The following FBXO8 variants were observed in gnomAD, a reference collection of about 807,000 sequenced individuals.
FBXO8 encodes F-box only protein 8.
FBXO8 carries 15 observed loss-of-function variants against 33.4 expected under a neutral mutation model. The observed-to-expected ratio is 0.45, with a 90% CI of 0.30 to 0.69. The LOEUF is 0.69. Among genes scored for constraint, FBXO8 ranks in the 30% least tolerant of loss-of-function variants. FBXO8 has a pLI of 0.08. For synonymous variants in FBXO8, 132 were observed against 131.5 expected, an observed-to-expected ratio of 1.00 and a Z score of -0.02; for missense variants, 274 against 380.3, an observed-to-expected ratio of 0.72 and a Z score of 2.32.
At position 174,262,278 on chromosome 4, in the gene FBXO8, GAAGA is replaced by G. The variant is rs1378853307; in HGVS notation, c.329+482_329+485del. On this transcript the variant is annotated intron_variant, in intron 2 of 5. Coordinates refer to ENST00000393674, the MANE Select transcript of FBXO8 (RefSeq NM_012180.3). The surrounding 1 kb of genome is among the most constrained non-coding windows in gnomAD (Gnocchi z 4.6). ...AAATTTTATTCTAACAAGCACCTTT[GAAGA>G]AATATAGAATTGAGTAAAAATGTAA... Among the ~76,000 whole-genome samples the G allele has an allele frequency of 2.0e-5, 3 of 152,058 alleles. No individual in the cohort carries two copies. Among genetic ancestry groups the G allele is most frequent in the African/African-American group, 7.2e-5 (3 of 41,404 alleles).
rs1420483572 is a variant in FBXO8 at position 174,262,725 on chromosome 4, T to C, written c.329+39A>G. On this transcript the variant is annotated intron_variant, in intron 2 of 5. Transcript: ENST00000393674. This position sits in a 1 kb window ranked among gnomAD's most constrained non-coding sequence, Gnocchi z 4.6. Reference sequence around the variant, plus strand: ...AAGAACATTGAAGCATGATTATGTTTAGAGATACCTGAATTCAACTTTGGT... The same window carrying C: ...AAGAACATTGAAGCATGATTATGTTCAGAGATACCTGAATTCAACTTTGGT... The C allele has an allele frequency of 1.9e-6, 3 of 1,542,094 alleles. No homozygotes were observed. Among genetic ancestry groups the C allele is most frequent in the Admixed American group, 3.4e-5 (2 of 58,764 alleles).
chr4:174,242,918 T>C (rs989769684), intron 3 of FBXO8, among the ~76,000 whole-genome samples: 1 of 151,590 alleles, frequency 6.6e-6, no homozygotes, highest in Admixed American at 6.6e-5. Flanking sequence ...TTAAAAACAA[T>C]GTCAATTAAG....
rs1265317321 is a variant in FBXO8 at position 174,257,849 on chromosome 4, G to A, written c.456+1850C>T. Among the ~76,000 whole-genome samples, 13 of 151,634 alleles carry A rather than the reference G, an allele frequency of 8.6e-5. No homozygotes were observed. The highest frequency in any genetic ancestry group is 2.7e-4 in the African/African-American group (11 of 41,238). On this transcript the variant is annotated intron_variant, in intron 3 of 5. Coordinates refer to ENST00000393674, the MANE Select transcript of FBXO8 (RefSeq NM_012180.3). This position sits in a 1 kb window ranked among gnomAD's most constrained non-coding sequence, Gnocchi z 4.3. ...AAGTGGTCCTCCTACCTCAGCCTCC[G>A]GAGTAGCTGGGACCACAAGAATGCA...
intron 3 of FBXO8, among the ~76,000 whole-genome samples, chr4:174,244,897 A>T (rs1321820620): frequency 3.3e-5 from 5 of 151,776 alleles, no homozygotes; most frequent in Non-Finnish European, 5.9e-5. Context: ...TGATTTTTTT[A>T]AAAAAGTATC....
At chr4:174,266,131 G>A (rs889782694) in intron 1 of FBXO8, among the ~76,000 whole-genome samples, 2 of 152,106 alleles carry the variant, frequency 1.3e-5, no homozygotes, top group Non-Finnish European at 2.9e-5. Context: ...GAATCAGGGT[G>A]ATTTCCCTAG....
intron 1 of FBXO8, among the ~76,000 whole-genome samples, chr4:174,271,113 GA>G (rs937578041): frequency 1.3e-5 from 2 of 151,122 alleles, no homozygotes; most frequent in Non-Finnish European, 3.0e-5. Context: ...AAATGACAGA[GA>G]AAAAAAAGGT....
intron 4 of FBXO8, among the ~76,000 whole-genome samples, chr4:174,240,087 T>C (rs1735993256): frequency 6.8e-6 from 1 of 146,294 alleles, no homozygotes; most frequent in Admixed American, 7.0e-5. Flanking sequence ...GGCAGAGTTT[T>C]AAGTAGCTGT....
At chr4:174,239,569 C>T (rs1232014494) in intron 4 of FBXO8, among the ~76,000 whole-genome samples, 1 of 151,824 alleles carries the variant, frequency 6.6e-6, no homozygotes, top group Non-Finnish European at 1.5e-5. Flanking sequence ...TGACAGTCTC[C>T]ACCTATACCA....
Position 174,254,137 on chromosome 4 carries a change from T to C in FBXO8, c.456+5562A>G, listed in dbSNP as rs574753073. Among the ~76,000 whole-genome samples the C allele has an allele frequency of 2.5e-4, 38 of 152,342 alleles. No homozygotes were observed. The Middle Eastern group carries it at 0.017, about 68-fold the overall frequency. ...GAAGCCAGTCATAAAATGTGGAACA[T>C]GCTGAGTCGAGCAGCATAATGAAGG... is the stretch of plus-strand genomic sequence containing the variant. On this transcript the variant is annotated intron_variant, in intron 3 of 5. Transcript: ENST00000393674. This position sits in a 1 kb window ranked among gnomAD's most constrained non-coding sequence, Gnocchi z 4.2.
intron 1 of FBXO8, among the ~76,000 whole-genome samples, chr4:174,282,622 T>G (rs1216691903): frequency 3.3e-5 from 5 of 152,038 alleles, no homozygotes; most frequent in Non-Finnish European, 7.4e-5. Flanking sequence ...CTTCAAACAT[T>G]AAAAGAAGGA....
rs923467196 is a variant in FBXO8, at chr4:174,262,364, G to A, written c.329+400C>T. The stretch of plus-strand genomic sequence containing the variant: ...CATTTGAGGACTATTCATTGATTTC[G>A]AAGTCTGCCTATTATTCAGATGGCA... On this transcript the variant is annotated intron_variant, in intron 2 of 5. Coordinates refer to ENST00000393674, the MANE Select transcript of FBXO8 (RefSeq NM_012180.3). The surrounding 1 kb of genome is among the most constrained non-coding windows in gnomAD (Gnocchi z 4.6). Among the ~76,000 whole-genome samples, 5 of 152,122 alleles carry A rather than the reference G, an allele frequency of 3.3e-5. No homozygotes were observed. Among genetic ancestry groups the A allele is most frequent in the Non-Finnish European group, 7.4e-5 (5 of 68,018 alleles).
At chr4:174,250,742 A>G (rs1736267263) in intron 3 of FBXO8, among the ~76,000 whole-genome samples, 1 of 152,162 alleles carries the variant, frequency 6.6e-6, no homozygotes, top group African/African-American at 2.4e-5. Flanking sequence ...AATTGATGAC[A>G]TCCAAGAATT....
In FBXO8 at chr4:174,263,802, C is replaced by A. The variant is rs890928839; in HGVS notation, c.-8-702G>T. 2.0e-5 allele frequency among the ~76,000 whole-genome samples: 3 copies of A among 152,174 alleles called. No individual in the cohort carries two copies. The highest frequency in any genetic ancestry group is 7.2e-5 in the African/African-American group (3 of 41,444). ...TCTTCTCCACAAATCCCTATGGATTCTTCAGAAGTACCTGGGAAAAGACAC... is the reference window on the plus strand; with the variant it reads ...TCTTCTCCACAAATCCCTATGGATTATTCAGAAGTACCTGGGAAAAGACAC... On this transcript the variant is annotated intron_variant, in intron 1 of 5. Coordinates refer to ENST00000393674, the MANE Select transcript of FBXO8 (RefSeq NM_012180.3). This position sits in a 1 kb window ranked among gnomAD's most constrained non-coding sequence, Gnocchi z 4.2.
In FBXO8 at chr4:174,241,019, G is replaced by C. The variant is rs1189191520; in HGVS notation, c.575+81C>G. On this transcript the variant is annotated intron_variant, in intron 4 of 5. Transcript: ENST00000393674. This position sits in a 1 kb window ranked among gnomAD's most constrained non-coding sequence, Gnocchi z 4.2. Reference sequence around the variant, plus strand: ...TTTGCAACCAGATGATTACTATGCAGTATTAGTTTTAAAGTAAAACTTAAC... The same window carrying C: ...TTTGCAACCAGATGATTACTATGCACTATTAGTTTTAAAGTAAAACTTAAC... 4.0e-6 allele frequency: 3 copies of C among 747,000 alleles called. No homozygotes were observed. The highest frequency in any genetic ancestry group is 6.6e-6 in the Non-Finnish European group (3 of 452,614). The allele number at this position is 747,000 out of a possible 1,614,324, so 46.3% of individuals were successfully genotyped here. A position where few individuals can be genotyped will look rare whatever the true frequency, so the allele number is the denominator to read the frequency against.
Position 174,255,254 on chromosome 4 carries a change from C to G in FBXO8, c.456+4445G>C, listed in dbSNP as rs565310535. On this transcript the variant is annotated intron_variant, in intron 3 of 5. Coordinates refer to ENST00000393674, the MANE Select transcript of FBXO8 (RefSeq NM_012180.3). This position sits in a 1 kb window ranked among gnomAD's most constrained non-coding sequence, Gnocchi z 4.3. The stretch of plus-strand genomic sequence containing the variant: ...AAGTTATTTTTCACCACTGTTGCTA[C>G]GCTATGAAGTAATGGTAATGACGAT... Among the ~76,000 whole-genome samples, 1 of 152,096 alleles carries G rather than the reference C, an allele frequency of 6.6e-6. No individual in the cohort carries two copies. The highest frequency in any genetic ancestry group is 2.4e-5 in the African/African-American group (1 of 41,426).
chr4:174,272,781 T>C lies in FBXO8; in HGVS notation c.-8-9681A>G, dbSNP rs1373788432. 6.6e-6 allele frequency among the ~76,000 whole-genome samples: 1 copy of C among 152,156 alleles called. No individual in the cohort carries two copies. Among genetic ancestry groups the C allele is most frequent in the Non-Finnish European group, 1.5e-5 (1 of 68,032 alleles). ...TATCTTCCCACATATCAGTCATTAA[T>C]TACAAGAAAAAATTAAGAAATAAGA... On this transcript the variant is annotated intron_variant, in intron 1 of 5. Coordinates refer to ENST00000393674, the MANE Select transcript of FBXO8 (RefSeq NM_012180.3). This position sits in a 1 kb window ranked among gnomAD's most constrained non-coding sequence, Gnocchi z 4.7.
In FBXO8 at chr4:174,256,645, A is replaced by T. The variant is rs1736422952; in HGVS notation, c.456+3054T>A. ...TATAGTCACTGAACTACTTCCCCTC[A>T]TTTCTCTGACCTTATTAAGTGTATT... On this transcript the variant is annotated intron_variant, in intron 3 of 5. Transcript: ENST00000393674. The surrounding 1 kb of genome is among the most constrained non-coding windows in gnomAD (Gnocchi z 4.6). Among the ~76,000 whole-genome samples the T allele has an allele frequency of 6.6e-6, 1 of 152,102 alleles. No individual in the cohort carries two copies. The highest frequency in any genetic ancestry group is 2.1e-4 in the South Asian group (1 of 4,828).
At chr4:174,271,674 T>C (rs1736840481) in intron 1 of FBXO8, among the ~76,000 whole-genome samples, 1 of 152,132 alleles carries the variant, frequency 6.6e-6, no homozygotes, top group African/African-American at 2.4e-5. Flanking sequence ...TGGCCCAGCA[T>C]AATGGCTGTC....
Position 174,263,244 on chromosome 4 carries a change from T to G in FBXO8, c.-8-144A>C, listed in dbSNP as rs1579031317. ...CCTACTAAAACCAGAAGTATATTAC[T>G]AAGAATAGCTGGAAAATTATAAGTG... is the stretch of plus-strand genomic sequence containing the variant. On this transcript the variant is annotated intron_variant, in intron 1 of 5. Transcript: ENST00000393674. The surrounding 1 kb of genome is among the most constrained non-coding windows in gnomAD (Gnocchi z 4.2). The G allele has an allele frequency of 2.7e-6, 2 of 741,848 alleles. No homozygotes were observed. The highest frequency in any genetic ancestry group is 5.5e-5 in the East Asian group (2 of 36,664). The allele number at this position is 741,848 out of a possible 1,614,324, so 46.0% of individuals were successfully genotyped here.
Sources: allele counts gnomAD v4.1 joint callset (sites outside exome capture counted in the v4.1 genomes callset), GRCh38; gene constraint gnomAD v4.1.1; non-coding constraint Gnocchi (gnomAD v3.1); transcripts MANE v1.5; gene names NCBI Gene and HGNC (gene_info 2026-07-23, HGNC 2026-07-21).